Variants in P2RX1 observed in about 807,000 individuals in gnomAD.
The protein encoded by P2RX1 is P2X purinoceptor 1.
In P2RX1, 42 loss-of-function variants were observed where a neutral mutation model predicts 50.3. The ratio of observed to expected loss-of-function variants is 0.83; its 90% CI spans 0.65 to 1.08. The LOEUF (loss-of-function observed/expected upper bound fraction) is 1.08, where lower values mean the gene tolerates loss of function less well. P2RX1 is among the 50% of genes least tolerant of loss of function. The probability of loss-of-function intolerance (pLI) is 0.00; values close to 1 mark genes in which losing one functional copy is unlikely to be tolerated. For synonymous variants in P2RX1, 199 were observed against 202.6 expected, an observed-to-expected ratio of 0.98 and a Z score of 0.15; for missense variants, 449 against 529.0, an observed-to-expected ratio of 0.85 and a Z score of 1.48.
At position 3,903,258 on chromosome 17, in the gene P2RX1, G is replaced by A; in HGVS notation, c.691C>T (p.Gln231Ter). 3 of 1,614,168 alleles carry A rather than the reference G, an allele frequency of 1.9e-6. No individual in the cohort carries two copies. The change falls in exon 7 of 12, where the codon CAG (glutamine) becomes TAG (stop). Residue 231 changes from glutamine (Q) to a stop codon, truncating the protein, a stop_gained. Coordinates refer to ENST00000225538, the MANE Select transcript of P2RX1 (RefSeq NM_002558.4). LOFTEE classifies it high-confidence loss of function. This position sits in a 1 kb window ranked among gnomAD's most constrained non-coding sequence, Gnocchi z 4.6. ...GACTCTTGCACCACGTAGCCAAGCTGGAAGACTGGGCACAGGGGGTGCAGG... is the reference window on the plus strand; with the variant it reads ...GACTCTTGCACCACGTAGCCAAGCTAGAAGACTGGGCACAGGGGGTGCAGG... ...KTLHPLCPVF[Q>*]LGYVVQESGQ...
chr17:3,913,695 C>T (rs2056401657), intron 1 of P2RX1, among the ~76,000 whole-genome samples: 1 of 152,244 alleles, frequency 6.6e-6, no homozygotes, highest in Non-Finnish European at 1.5e-5. Context: ...CCAGGTCTGT[C>T]TCTGTGTCCA....
intron 9 of P2RX1, 39 bp downstream of exon 9, chr17:3,898,895 T>A: frequency 1.4e-6 from 2 of 1,471,616 alleles, no homozygotes; most frequent in Non-Finnish European, 1.9e-6. Flanking sequence ...GAGCTGAGAA[T>A]GTGTCTCAGC....
chr17:3,902,833 T>G (rs2056175795), intron 7 of P2RX1, among the ~76,000 whole-genome samples: 1 of 151,920 alleles, frequency 6.6e-6, no homozygotes, highest in African/African-American at 2.4e-5. Context: ...AGTCTCAAAC[T>G]CCTGACCTCA....
chr17:3,903,542 C>T lies in P2RX1; in HGVS notation c.605+9G>A, dbSNP rs371225526. On this transcript the variant is annotated intron_variant, in intron 6 of 11. Transcript: ENST00000225538. This position sits in a 1 kb window ranked among gnomAD's most constrained non-coding sequence, Gnocchi z 4.6. ...GCTGCCTGCATTTCTGCCCGAATTT[C>T]CCACGCACCTGTTGACCTTGAAGCG... The T allele has an allele frequency of 5.6e-6, 9 of 1,613,744 alleles. No homozygotes were observed. Among genetic ancestry groups the T allele is most frequent in the African/African-American group, 1.3e-5 (1 of 74,948 alleles).
At chr17:3,904,052 C>A (rs369918421) in intron 4 of P2RX1, 28 bp from the exon 5 acceptor site, 10 of 1,588,388 alleles carry the variant, frequency 6.3e-6, no homozygotes, top group South Asian at 1.1e-5. Flanking sequence ...CCCCTGGGTG[C>A]CTGCACTAAA....
chr17:3,899,882 C>A, intron 7 of P2RX1, 121 bp from the exon 8 acceptor site: 1 of 1,237,008 alleles, frequency 8.1e-7, no homozygotes, highest in Admixed American at 1.7e-5. Context: ...GGGTGGATCA[C>A]CTGAGGCCAG....
In P2RX1 at chr17:3,903,336, G is replaced by C. The variant is rs763656190; in HGVS notation, c.613C>G (p.Leu205Val). The C allele has an allele frequency of 1.7e-5, 27 of 1,614,020 alleles. No individual in the cohort carries two copies. The highest frequency in any genetic ancestry group is 2.3e-5 in the Non-Finnish European group (27 of 1,180,026). The change falls in exon 7 of 12, where the codon CTG (leucine) becomes GTG (valine). Residue 205 changes from leucine (L) to valine (V), a missense_variant. Leu to Val is a conservative substitution (Grantham distance 32). Transcript: ENST00000225538. This position sits in a 1 kb window ranked among gnomAD's most constrained non-coding sequence, Gnocchi z 4.6. ...TGGGCAGCATTCACCTCCTCCACCA[G>C]GTTGCGCCTGTGGGGGTGGAAGGTG... is the stretch of plus-strand genomic sequence containing the variant. ...FPRFKVNRRN[L>V]VEEVNAAHMK...
Position 3,897,808 on chromosome 17 carries a change from C to A in P2RX1, c.*6G>T, listed in dbSNP as rs116629467. On this transcript the variant is annotated 3_prime_UTR_variant, in exon 12 of 12. Transcript: ENST00000225538. ...CTGCACCCAGTCAGGAGTTGGGGCCCGAGCATCAGGATGTCCTCATGTTCT... is the reference window on the plus strand; with the variant it reads ...CTGCACCCAGTCAGGAGTTGGGGCCAGAGCATCAGGATGTCCTCATGTTCT... 2.5e-6 allele frequency: 4 copies of A among 1,612,220 alleles called. No homozygotes were observed. The Admixed American group carries it at 6.7e-5, about 27-fold the overall frequency.
chr17:3,905,385 G>C lies in P2RX1; in HGVS notation c.138-18C>G. 9 of 1,612,974 alleles carry C rather than the reference G, an allele frequency of 5.6e-6. No individual in the cohort carries two copies. The highest frequency in any genetic ancestry group is 7.6e-6 in the Non-Finnish European group (9 of 1,179,886). On this transcript the variant is annotated intron_variant, in intron 1 of 11. Transcript: ENST00000225538. ...ACACCCACCTGTGCGGGTGGGGACAGAGGGGGAGTTGTGGTTGTGGCACCA... is the reference window on the plus strand; with the variant it reads ...ACACCCACCTGTGCGGGTGGGGACACAGGGGGAGTTGTGGTTGTGGCACCA...
At chr17:3,910,132 G>A (rs745314910) in intron 1 of P2RX1, among the ~76,000 whole-genome samples, 17 of 151,908 alleles carry the variant, frequency 1.1e-4, no homozygotes, top group South Asian at 1.0e-3. Flanking sequence ...ACACCAACAC[G>A]CCTGGCTAAT....
Position 3,904,920 on chromosome 17 carries a change from A to G in P2RX1, c.295T>C (p.Ser99Pro). ...ATGAAATTGGTCATGACCACGAAGG[A>G]GTTGTCCCCCTAGAAGTGAGGGGCA... Reference protein sequence around the residue: ...DYVFPAQGDNSFVVMTNFIVT... With the variant: ...DYVFPAQGDNPFVVMTNFIVT... The change falls in exon 3 of 12, where the codon TCC becomes CCC. Residue 99 changes from serine to proline, a missense_variant. Physicochemically the swap from Ser to Pro is moderately conservative, Grantham distance 74. Coordinates refer to ENST00000225538, the MANE Select transcript of P2RX1 (RefSeq NM_002558.4). 2 of 994,376 alleles carry G rather than the reference A, an allele frequency of 2.0e-6. No individual in the cohort carries two copies. The highest frequency in any genetic ancestry group is 2.8e-6 in the Non-Finnish European group (2 of 712,926). 61.6% of individuals were successfully genotyped at this position (994,376 alleles called of 1,614,324 possible). A position where few individuals can be genotyped will look rare whatever the true frequency, so the allele number is the denominator to read the frequency against.
chr17:3,900,756 G>A (rs1344305782), intron 7 of P2RX1, among the ~76,000 whole-genome samples: 1 of 152,150 alleles, frequency 6.6e-6, no homozygotes, highest in Admixed American at 6.5e-5. Flanking sequence ...CTCCAAGACT[G>A]TAAGCTCCAG....
In P2RX1 at chr17:3,897,284, A is replaced by G. The variant is rs972705160; in HGVS notation, c.*530T>C. ...AACAGGGCTCAAGCAGGGCTGTCTA[A>G]TAGAACTTTCTTTGACAGTGAAAAT... is the stretch of plus-strand genomic sequence containing the variant. On this transcript the variant is annotated 3_prime_UTR_variant, in exon 12 of 12. Coordinates refer to ENST00000225538, the MANE Select transcript of P2RX1 (RefSeq NM_002558.4). The G allele has an allele frequency of 1.7e-5, 3 of 176,186 alleles. No individual in the cohort carries two copies. The highest frequency in any genetic ancestry group is 3.7e-5 in the Non-Finnish European group (3 of 80,598). The allele number at this position is 176,186 out of a possible 1,614,324, so 10.9% of individuals were successfully genotyped here.
At chr17:3,909,048 T>G (rs1400382452) in intron 1 of P2RX1, among the ~76,000 whole-genome samples, 1 of 152,124 alleles carries the variant, frequency 6.6e-6, no homozygotes, top group African/African-American at 2.4e-5. Flanking sequence ...CTTTTTTTTT[T>G]GAGATGGAGT....
intron 7 of P2RX1, among the ~76,000 whole-genome samples, chr17:3,901,030 G>C (rs1310307766): frequency 6.6e-6 from 1 of 152,228 alleles, no homozygotes; most frequent in Non-Finnish European, 1.5e-5. Flanking sequence ...CAGGAGCCTA[G>C]TTACTGAGAA....
In P2RX1 at chr17:3,903,154, G is replaced by T; in HGVS notation, c.747+48C>A. The T allele has an allele frequency of 6.2e-7, 1 of 1,612,604 alleles. No individual in the cohort carries two copies. The highest frequency in any genetic ancestry group is 8.5e-7 in the Non-Finnish European group (1 of 1,179,634). On this transcript the variant is annotated intron_variant, in intron 7 of 11. Transcript: ENST00000225538. The surrounding 1 kb of genome is among the most constrained non-coding windows in gnomAD (Gnocchi z 4.6). ...ACTGGGCCTAAAAAGCCTTTATCAGGATCCTGCGGCCCAGCCCTCCCCACG... is the reference window on the plus strand; with the variant it reads ...ACTGGGCCTAAAAAGCCTTTATCAGTATCCTGCGGCCCAGCCCTCCCCACG...
intron 1 of P2RX1, among the ~76,000 whole-genome samples, chr17:3,910,145 T>C (rs1175080158): frequency 6.6e-6 from 1 of 152,034 alleles, no homozygotes; most frequent in Non-Finnish European, 1.5e-5. Context: ...TGGCTAATTT[T>C]TGTATTTTTA....
At position 3,901,813 on chromosome 17, in the gene P2RX1, A is replaced by G. The variant is rs79034121; in HGVS notation, c.747+1389T>C. Among the ~76,000 whole-genome samples the G allele has an allele frequency of 5.7e-3, 870 of 151,908 alleles. 4 individuals carry two copies. Among genetic ancestry groups the G allele is most frequent in the Non-Finnish European group, 7.8e-3 (528 of 67,952 alleles). ...ACGGCGTCAACTCTGCCAGGTGTAT[A>G]GGCTTCCCACGTGCCAGGCAGCGAG... On this transcript the variant is annotated intron_variant, in intron 7 of 11. Coordinates refer to ENST00000225538, the MANE Select transcript of P2RX1 (RefSeq NM_002558.4).
rs967231756 is a variant in P2RX1, at chr17:3,904,865, C to T, written c.350G>A (p.Cys117Tyr). 1.6e-5 allele frequency: 26 copies of T among 1,591,568 alleles called. No individual in the cohort carries two copies. Among genetic ancestry groups the T allele is most frequent in the Non-Finnish European group, 2.2e-5 (26 of 1,170,320 alleles). Residue 117 changes from cysteine (C) to tyrosine (Y), a missense_variant, in exon 3 of 12, where the codon TGC becomes TAC. Cys to Tyr is a radical substitution (Grantham distance 194). Transcript: ENST00000225538. ...GCGGGCAGAAGTCCTCACCTCTGCG[C>T]AGTAGCCTTGAGTCTGCTTCGGGGT... Reference protein sequence around the residue: ...IVTPKQTQGYCAEHPEGGICK... With the variant: ...IVTPKQTQGYYAEHPEGGICK...
Sources: allele counts gnomAD v4.1 joint callset (sites outside exome capture counted in the v4.1 genomes callset), GRCh38; gene constraint gnomAD v4.1.1; non-coding constraint Gnocchi (gnomAD v3.1); transcripts MANE v1.5; gene names NCBI Gene and HGNC (gene_info 2026-07-23, HGNC 2026-07-21).